The following MICU1 variants were observed in gnomAD, a reference collection of about 807,000 sequenced individuals.
The protein encoded by MICU1 is mitochondrial calcium uptake 1, also known as calcium uptake protein 1, mitochondrial.
In MICU1, 45 loss-of-function variants were observed where a neutral mutation model predicts 56.8. That is an observed-to-expected ratio of 0.79 (90% confidence interval 0.62 to 1.02). MICU1 has a LOEUF of 1.02. Among genes scored for constraint, MICU1 ranks in the 50% least tolerant of loss-of-function variants. The pLI, the probability that MICU1 is intolerant of heterozygous loss-of-function variation, is 0.00. For synonymous variants in MICU1, 186 were observed against 195.1 expected, an observed-to-expected ratio of 0.95 and a Z score of 0.39; for missense variants, 504 against 587.1, an observed-to-expected ratio of 0.86 and a Z score of 1.46.
chr10:72,459,362 A>C (rs1247455051), intron 8 of MICU1, among the ~76,000 whole-genome samples: 1 of 152,050 alleles, frequency 6.6e-6, no homozygotes, highest in African/African-American at 2.4e-5. Context: ...AAACCAAAAA[A>C]CCAAATAACC....
intron 9 of MICU1, among the ~76,000 whole-genome samples, chr10:72,422,777 C>T (rs1864218030): frequency 6.7e-6 from 1 of 149,586 alleles, no homozygotes; most frequent in African/African-American, 2.5e-5. Context: ...GTGGCATAAT[C>T]TTGGCTCACT....
intron 11 of MICU1, among the ~76,000 whole-genome samples, chr10:72,375,250 A>G (rs1034788656): frequency 3.3e-5 from 5 of 152,210 alleles, no homozygotes; most frequent in Non-Finnish European, 7.3e-5. Context: ...TGTTGTTATT[A>G]GTATATCAGC....
At chr10:72,562,857 A>G (rs768834329) in intron 3 of MICU1, 38 bp downstream of exon 3, 79 of 1,484,788 alleles carry the variant, frequency 5.3e-5, no homozygotes, top group Non-Finnish European at 6.9e-5. Context: ...CTACTTTAAG[A>G]TATACTTCTG....
intron 5 of MICU1, among the ~76,000 whole-genome samples, chr10:72,510,736 C>T (rs992035259): frequency 5.9e-5 from 9 of 152,078 alleles, no homozygotes; most frequent in African/African-American, 1.9e-4. Flanking sequence ...CTCTGCCTCC[C>T]GGGTTCAAGC....
intron 5 of MICU1, chr10:72,524,103 C>T (rs1362581719): frequency 1.6e-6 from 1 of 612,370 alleles, no homozygotes; most frequent in Non-Finnish European, 2.2e-6. Context: ...CAAGTAGGAA[C>T]ATAATATCCC....
intron 8 of MICU1, among the ~76,000 whole-genome samples, chr10:72,442,976 C>A (rs150837267): frequency 1.3e-5 from 2 of 151,986 alleles, no homozygotes; most frequent in African/African-American, 4.8e-5. Flanking sequence ...AGGCTGGTCT[C>A]GAACTACTGA....
intron 1 of MICU1, among the ~76,000 whole-genome samples, chr10:72,580,363 T>C (rs1840864628): frequency 6.6e-6 from 1 of 152,172 alleles, no homozygotes; most frequent in Non-Finnish European, 1.5e-5. Flanking sequence ...TAAAACATTC[T>C]CAACTTAAAC....
intron 10 of MICU1, among the ~76,000 whole-genome samples, chr10:72,396,775 T>C (rs183537512): frequency 6.6e-6 from 1 of 152,240 alleles, no homozygotes; most frequent in East Asian, 1.9e-4. Context: ...CCAAGAAATA[T>C]GGGACTATGT....
intron 10 of MICU1, among the ~76,000 whole-genome samples, chr10:72,383,874 C>T (rs1352837599): frequency 6.6e-6 from 1 of 152,174 alleles, no homozygotes; most frequent in Non-Finnish European, 1.5e-5. Context: ...TCATGGCTCA[C>T]TGCAACCTCT....
chr10:72,473,685 G>C (rs1866016533), intron 8 of MICU1, among the ~76,000 whole-genome samples: 1 of 152,124 alleles, frequency 6.6e-6, no homozygotes. Context: ...ACAGACAGGG[G>C]ACTCCGCACA....
At chr10:72,514,730 T>C (rs1173443240) in intron 5 of MICU1, among the ~76,000 whole-genome samples, 4 of 152,184 alleles carry the variant, frequency 2.6e-5, no homozygotes, top group African/African-American at 9.6e-5. Context: ...AACTCTCTCT[T>C]AGCCTTAAGA....
intron 1 of MICU1, among the ~76,000 whole-genome samples, chr10:72,589,968 A>G (rs1486613055): frequency 6.6e-6 from 1 of 152,134 alleles, no homozygotes; most frequent in Non-Finnish European, 1.5e-5. Flanking sequence ...ACGCCTGTGA[A>G]CAGCCCCTCA....
intron 1 of MICU1, among the ~76,000 whole-genome samples, chr10:72,606,856 T>C (rs1841704478): frequency 6.6e-6 from 1 of 152,074 alleles, no homozygotes; most frequent in Admixed American, 6.6e-5. Context: ...TTGAGCACAT[T>C]ATCCTTGCCA....
In MICU1 at chr10:72,476,797, C is replaced by T. The variant is rs111411485; in HGVS notation, c.735+377G>A. Among the ~76,000 whole-genome samples, 855 of 152,240 alleles carry T rather than the reference C, an allele frequency of 5.6e-3. 7 individuals are homozygous for T. Among genetic ancestry groups the T allele is most frequent in the South Asian group, 1.0e-2 (48 of 4,822 alleles). Reference sequence around the variant, plus strand: ...AAATGGTATGGCACCATTTTTCCTTCTCTTATAGAAATCCTTTAAGAAAAT... The same window carrying T: ...AAATGGTATGGCACCATTTTTCCTTTTCTTATAGAAATCCTTTAAGAAAAT... On this transcript the variant is annotated intron_variant, in intron 7 of 11. Coordinates refer to ENST00000361114, the MANE Select transcript of MICU1 (RefSeq NM_001195518.2).
chr10:72,575,062 C>T (rs1475590200), intron 1 of MICU1, among the ~76,000 whole-genome samples: 1 of 152,128 alleles, frequency 6.6e-6, no homozygotes, highest in African/African-American at 2.4e-5. Flanking sequence ...TCTGTCTTTT[C>T]TCTCTCTCTC....
intron 8 of MICU1, among the ~76,000 whole-genome samples, chr10:72,424,121 C>T (rs1013492684): frequency 9.5e-5 from 5 of 52,362 alleles, no homozygotes; most frequent in Non-Finnish European, 2.6e-4. Context: ...TTCCCCCCCA[C>T]CTTTTTTTTT....
chr10:72,460,880 C>T (rs1158339393), intron 8 of MICU1, among the ~76,000 whole-genome samples: 1 of 152,110 alleles, frequency 6.6e-6, no homozygotes, highest in African/African-American at 2.4e-5. Flanking sequence ...TTAGCACAGT[C>T]ATCATGAGCA....
At chr10:72,517,784 T>C (rs1867694337) in intron 5 of MICU1, among the ~76,000 whole-genome samples, 1 of 138,980 alleles carries the variant, frequency 7.2e-6, no homozygotes, top group Non-Finnish European at 1.5e-5. Flanking sequence ...AATAAAACTT[T>C]TTTTTTTTTT....
chr10:72,381,963 T>TATAC (rs1464438378), intron 10 of MICU1, among the ~76,000 whole-genome samples: 14 of 138,452 alleles, frequency 1.0e-4, no homozygotes, highest in Middle Eastern at 3.6e-3. Context: ...TATATATCTA[T>TATAC]ACACACACAC....
Sources: allele counts gnomAD v4.1 joint callset (sites outside exome capture counted in the v4.1 genomes callset), GRCh38; gene constraint gnomAD v4.1.1; transcripts MANE v1.5; gene names NCBI Gene and HGNC (gene_info 2026-07-23, HGNC 2026-07-21).